PRKG2: variants seen among roughly 807,000 people sequenced by gnomAD.
The protein encoded by PRKG2 is cGMP-dependent protein kinase 2.
In PRKG2, 33 loss-of-function variants were observed where a neutral mutation model predicts 97.2. That is an observed-to-expected ratio of 0.34 (90% CI 0.26 to 0.45). The LOEUF is 0.45. PRKG2 is among the 20% of genes least tolerant of loss of function. The pLI is 1.00. For missense variants in PRKG2, 638 were observed against 900.0 expected (o/e 0.71, Z 3.73); for synonymous variants, 330 against 321.8 (o/e 1.03, Z -0.27).
intron 11 of PRKG2, among the ~76,000 whole-genome samples, chr4:81,141,778 G>A (rs71596053): frequency 1.4e-4 from 21 of 152,028 alleles, no homozygotes; most frequent in Non-Finnish European, 2.9e-4. Context: ...AAACTTTGAC[G>A]AAAAATACCA....
chr4:81,165,913 G>T (rs1749942840), intron 6 of PRKG2, among the ~76,000 whole-genome samples: 1 of 151,596 alleles, frequency 6.6e-6, no homozygotes, highest in South Asian at 2.1e-4. Context: ...ATTAAAAACA[G>T]ATTTCCTTGG....
chr4:81,150,392 T>C (rs1308222407), intron 8 of PRKG2, among the ~76,000 whole-genome samples: 5 of 152,178 alleles, frequency 3.3e-5, no homozygotes, highest in Admixed American at 2.0e-4. Context: ...CCAGGGACTA[T>C]TTAATGTCAA....
intron 14 of PRKG2, among the ~76,000 whole-genome samples, chr4:81,130,368 T>C (rs1395845845): frequency 6.6e-6 from 1 of 152,144 alleles, no homozygotes; most frequent in African/African-American, 2.4e-5. Context: ...GGAAGCTTCA[T>C]CCCAGAGGGG....
At position 81,171,807 on chromosome 4, in the gene PRKG2, A is replaced by G; in HGVS notation, c.629-3T>C. On this transcript the variant is annotated splice_region_variant and splice_polypyrimidine_tract_variant and intron_variant, in intron 3 of 18. Coordinates refer to ENST00000264399, the MANE Select transcript of PRKG2 (RefSeq NM_006259.3). ...TTGGAACACCTCTAGTCGACCCTCT[A>G]TCAAGCAGAATTTTAAAAAACACAC... is the stretch of plus-strand genomic sequence containing the variant. The G allele has an allele frequency of 6.3e-7, 1 of 1,585,930 alleles. No individual in the cohort carries two copies. The highest frequency in any genetic ancestry group is 8.6e-7 in the Non-Finnish European group (1 of 1,165,976).
At chr4:81,182,754 A>G (rs1010021877) in intron 2 of PRKG2, among the ~76,000 whole-genome samples, 1 of 152,110 alleles carries the variant, frequency 6.6e-6, no homozygotes, top group East Asian at 1.9e-4. Context: ...ATATTCTAGT[A>G]TTAAACAATT....
intron 14 of PRKG2, among the ~76,000 whole-genome samples, chr4:81,125,019 A>G (rs1315392439): frequency 6.7e-6 from 1 of 149,708 alleles, no homozygotes; most frequent in East Asian, 2.0e-4. Context: ...CTATTCTCCA[A>G]CTCTTTTCAT....
At chr4:81,108,897 A>G (rs559338080) in intron 15 of PRKG2, among the ~76,000 whole-genome samples, 25 of 152,252 alleles carry the variant, frequency 1.6e-4, no homozygotes, top group African/African-American at 6.0e-4. Flanking sequence ...ACCGTGTCTC[A>G]ACAAACAAAA....
intron 2 of PRKG2, among the ~76,000 whole-genome samples, chr4:81,187,379 T>G (rs1751977099): frequency 6.6e-6 from 1 of 152,154 alleles, no homozygotes; most frequent in Admixed American, 6.5e-5. Context: ...AAAAACCACA[T>G]GATTATCTCA....
intron 2 of PRKG2, among the ~76,000 whole-genome samples, chr4:81,194,612 C>T (rs1309163413): frequency 6.6e-6 from 1 of 151,560 alleles, no homozygotes; most frequent in African/African-American, 2.4e-5. Context: ...TCTCTCTCTT[C>T]CTTAAGTTTG....
intron 6 of PRKG2, among the ~76,000 whole-genome samples, chr4:81,160,410 A>C (rs1032487083): frequency 2.7e-4 from 41 of 152,196 alleles, no homozygotes; most frequent in African/African-American, 9.4e-4. Context: ...AAAGATATAA[A>C]GAGAAATGAG....
intron 15 of PRKG2, among the ~76,000 whole-genome samples, chr4:81,108,623 G>A (rs915101591): frequency 3.9e-5 from 6 of 152,060 alleles, no homozygotes; most frequent in Admixed American, 2.0e-4. Flanking sequence ...GGCCTAGTGT[G>A]ATGGCTCACA....
intron 18 of PRKG2, among the ~76,000 whole-genome samples, chr4:81,091,725 C>A (rs1327063172): frequency 6.6e-6 from 1 of 152,122 alleles, no homozygotes; most frequent in African/African-American, 2.4e-5. Flanking sequence ...TTGGAAAAAA[C>A]ACTAACATAA....
intron 17 of PRKG2, among the ~76,000 whole-genome samples, chr4:81,095,733 T>C (rs2109948196): frequency 6.6e-6 from 1 of 152,354 alleles, no homozygotes; most frequent in Non-Finnish European, 1.5e-5. Context: ...AAACTGCTTC[T>C]TCATTTCAGA....
chr4:81,132,271 C>G (rs1217536443), intron 14 of PRKG2, among the ~76,000 whole-genome samples: 1 of 152,078 alleles, frequency 6.6e-6, no homozygotes, highest in Non-Finnish European at 1.5e-5. Context: ...ATACTTACCT[C>G]TTGTTTCAAG....
In PRKG2 at chr4:81,125,679, A is replaced by G. The variant is rs985776932; in HGVS notation, c.1776+9476T>C. ...AATAGGTATACGTTTGACTCAATGAAAAACTGACTAGCTATTCTTTGAAAT... is the reference window on the plus strand; with the variant it reads ...AATAGGTATACGTTTGACTCAATGAGAAACTGACTAGCTATTCTTTGAAAT... On this transcript the variant is annotated intron_variant, in intron 14 of 18. Coordinates refer to ENST00000264399, the MANE Select transcript of PRKG2 (RefSeq NM_006259.3). 3.9e-5 allele frequency among the ~76,000 whole-genome samples: 6 copies of G among 152,224 alleles called. No individual in the cohort carries two copies. In the East Asian group the frequency reaches 9.6e-4, roughly 24 times the overall value.
chr4:81,177,706 A>AAG (rs1751057871), intron 2 of PRKG2, among the ~76,000 whole-genome samples: 1 of 152,160 alleles, frequency 6.6e-6, no homozygotes, highest in East Asian at 1.9e-4. Context: ...TCTCAAAAAA[A>AAG]AGAATATAAA....
intron 13 of PRKG2, among the ~76,000 whole-genome samples, chr4:81,136,442 C>T (rs1037109826): frequency 6.6e-6 from 1 of 152,186 alleles, no homozygotes; most frequent in African/African-American, 2.4e-5. Context: ...TGGCACAGGT[C>T]TGACTGTAAA....
In PRKG2 at chr4:81,151,489, A is replaced by C. The variant is rs79390785; in HGVS notation, c.1085+471T>G. Reference sequence around the variant, plus strand: ...TTGTGGTAAAAATTGCAAATATACTATTTTGAGTTGTTTTTAAAACTTGCA... The same window carrying C: ...TTGTGGTAAAAATTGCAAATATACTCTTTTGAGTTGTTTTTAAAACTTGCA... On this transcript the variant is annotated intron_variant, in intron 8 of 18. Coordinates refer to ENST00000264399, the MANE Select transcript of PRKG2 (RefSeq NM_006259.3). 3.9e-4 allele frequency among the ~76,000 whole-genome samples: 59 copies of C among 152,244 alleles called. 1 individual carries two copies. The East Asian group carries it at 0.01, about 26-fold the overall frequency.
intron 15 of PRKG2, among the ~76,000 whole-genome samples, chr4:81,106,349 A>G (rs1242215920): frequency 2.0e-5 from 3 of 152,288 alleles, no homozygotes; most frequent in African/African-American, 7.2e-5. Context: ...AGGAAGCACA[A>G]AGGCCATGAG....
Sources: allele counts gnomAD v4.1 joint callset (sites outside exome capture counted in the v4.1 genomes callset), GRCh38; gene constraint gnomAD v4.1.1; transcripts MANE v1.5; gene names NCBI Gene and HGNC (gene_info 2026-07-23, HGNC 2026-07-21).